PRDM11: variants seen among roughly 807,000 people sequenced by gnomAD.
PRDM11 encodes the protein PR domain-containing protein 11.
PRDM11 carries 20 observed loss-of-function variants against 97.8 expected under a neutral mutation model. That is an observed-to-expected ratio of 0.20 (90% CI 0.14 to 0.30). The LOEUF (loss-of-function observed/expected upper bound fraction) is 0.30, where lower values mean the gene tolerates loss of function less well. Among genes scored for constraint, PRDM11 ranks in the 10% least tolerant of loss-of-function variants. The pLI is 1.00. For synonymous variants in PRDM11, 599 were observed against 637.7 expected, an observed-to-expected ratio of 0.94 and a Z score of 0.91; for missense variants, 1,139 against 1,555.2, an observed-to-expected ratio of 0.73 and a Z score of 4.50.
chr11:45,153,897 G>A (rs1369980533), intron 1 of PRDM11, among the ~76,000 whole-genome samples: 1 of 152,206 alleles, frequency 6.6e-6, no homozygotes, highest in Admixed American at 6.5e-5. Context: ...ACATATGGAT[G>A]AGGAACCTTG....
chr11:45,187,365 G>A (rs1412298330), intron 4 of PRDM11, among the ~76,000 whole-genome samples: 1 of 152,172 alleles, frequency 6.6e-6, no homozygotes, highest in African/African-American at 2.4e-5. Context: ...CCAAGGAATG[G>A]CTATTAGGAT....
chr11:45,194,520 T>C (rs1013401096), intron 4 of PRDM11, among the ~76,000 whole-genome samples: 2 of 150,428 alleles, frequency 1.3e-5, no homozygotes, highest in African/African-American at 2.4e-5. Context: ...GTAACAATAA[T>C]AGCTGCTGTT....
At chr11:45,154,939 T>C (rs1188909113) in intron 1 of PRDM11, among the ~76,000 whole-genome samples, 4 of 151,216 alleles carry the variant, frequency 2.6e-5, no homozygotes, top group Non-Finnish European at 4.4e-5. Flanking sequence ...CCCCAGAGAG[T>C]GTTGTTGTAG....
chr11:45,100,242 C>T (rs1033803801), intron 1 of PRDM11, among the ~76,000 whole-genome samples: 7 of 152,174 alleles, frequency 4.6e-5, no homozygotes, highest in African/African-American at 1.4e-4. Flanking sequence ...TACTGATTCG[C>T]TAATTGTCCT....
At chr11:45,158,334 C>T (rs1449632226) in intron 1 of PRDM11, among the ~76,000 whole-genome samples, 1 of 152,198 alleles carries the variant, frequency 6.6e-6, no homozygotes, top group East Asian at 1.9e-4. Context: ...CTCCACCCTC[C>T]TCTGGGGCCC....
chr11:45,218,443 T>C (rs1319303402), intron 5 of PRDM11, among the ~76,000 whole-genome samples: 1 of 152,276 alleles, frequency 6.6e-6, no homozygotes, highest in Non-Finnish European at 1.5e-5. Flanking sequence ...CATTTGTTTA[T>C]TATCCATCTG....
At chr11:45,204,051 GA>G (rs2135794996) in intron 4 of PRDM11, among the ~76,000 whole-genome samples, 1 of 152,292 alleles carries the variant, frequency 6.6e-6, no homozygotes, top group South Asian at 2.1e-4. Flanking sequence ...ATCCACAAAA[GA>G]ACAACATTAG....
At chr11:45,133,174 G>A (rs765992476) in intron 1 of PRDM11, among the ~76,000 whole-genome samples, 86 of 152,262 alleles carry the variant, frequency 5.6e-4, no homozygotes, top group Admixed American at 1.3e-3. Flanking sequence ...AGCTCAAAAA[G>A]ATAATCTGTG....
chr11:45,178,546 C>A (rs890030401), intron 1 of PRDM11, among the ~76,000 whole-genome samples: 2 of 152,220 alleles, frequency 1.3e-5, no homozygotes, highest in African/African-American at 4.8e-5. Context: ...GGGAATCAAA[C>A]CCCCACCCTG....
chr11:45,189,944 G>A (rs543345409), intron 4 of PRDM11, among the ~76,000 whole-genome samples: 12 of 152,242 alleles, frequency 7.9e-5, no homozygotes, highest in East Asian at 3.9e-4. Flanking sequence ...GAGCATGCAC[G>A]AGCAGGTGCT....
Position 45,224,411 on chromosome 11 carries a change from C to G in PRDM11, c.937C>G (p.Leu313Val), listed in dbSNP as rs776483937. 7 of 1,614,102 alleles carry G rather than the reference C, an allele frequency of 4.3e-6. No homozygotes were observed. In the African/African-American group the frequency reaches 9.3e-5, roughly 22 times the overall value. Residue 313 changes from leucine to valine, a missense_variant, in exon 7 of 8, where the codon CTG becomes GTG. By Grantham distance (32) the Leu-to-Val change is conservative (BLOSUM62 1). Transcript: ENST00000683152. ...TTTCAAGGATGTTCTGGAGGCCTCA[C>G]TGGAATCTGCGAAGGTGGAAGCCCA... ...LIFKDVLEAS[L>V]ESAKVEAHQL...
At chr11:45,104,619 G>GC (rs1852030357) in intron 1 of PRDM11, among the ~76,000 whole-genome samples, 1 of 152,100 alleles carries the variant, frequency 6.6e-6, no homozygotes, top group African/African-American at 2.4e-5. Flanking sequence ...TGGGACCTCA[G>GC]CCCCAAGGTG....
At chr11:45,183,315 T>C (rs1270110456) in intron 4 of PRDM11, among the ~76,000 whole-genome samples, 192 bp downstream of exon 4, 2 of 152,172 alleles carry the variant, frequency 1.3e-5, no homozygotes, top group East Asian at 1.9e-4. Flanking sequence ...AGGGCAATGC[T>C]GAGAGCACCC....
chr11:45,103,849 T>C (rs987557045), intron 1 of PRDM11, among the ~76,000 whole-genome samples: 2 of 151,190 alleles, frequency 1.3e-5, no homozygotes, highest in African/African-American at 4.9e-5. Context: ...CCTTTAACGG[T>C]GAAAACCAAG....
At chr11:45,191,885 G>A (rs530911005) in intron 4 of PRDM11, among the ~76,000 whole-genome samples, 2 of 151,876 alleles carry the variant, frequency 1.3e-5, no homozygotes, top group South Asian at 4.2e-4. Flanking sequence ...GAACCTGCAG[G>A]TTTATTACAT....
At chr11:45,184,838 TGGGGG>T (rs1223647002) in intron 4 of PRDM11, among the ~76,000 whole-genome samples, 1 of 151,810 alleles carries the variant, frequency 6.6e-6, no homozygotes, top group African/African-American at 2.4e-5. Context: ...GGGTGGTCAG[TGGGGG>T]TGTGGGTGTG....
In PRDM11 at chr11:45,229,468, A is replaced by T. The variant is rs1854353800; in HGVS notation, c.*1309A>T. ...TCTCAAGGCATCAGCCTACACAGAC[A>T]CACACACACACACAGACACACACAC... is the stretch of plus-strand genomic sequence containing the variant. On this transcript the variant is annotated 3_prime_UTR_variant, in exon 8 of 8. Transcript: ENST00000683152. The T allele has an allele frequency of 3.5e-5, 1 of 28,364 alleles. No individual in the cohort carries two copies. Among genetic ancestry groups the T allele is most frequent in the African/African-American group, 8.0e-5 (1 of 12,468 alleles). 1.8% of individuals were successfully genotyped at this position (28,364 alleles called of 1,614,324 possible).
At chr11:45,122,660 AG>A (rs1373976767) in intron 1 of PRDM11, among the ~76,000 whole-genome samples, 1 of 152,102 alleles carries the variant, frequency 6.6e-6, no homozygotes, top group Non-Finnish European at 1.5e-5. Context: ...GTCCCTACAA[AG>A]GACATGAACT....
chr11:45,196,855 C>T (rs761849485), intron 4 of PRDM11, among the ~76,000 whole-genome samples: 1 of 152,144 alleles, frequency 6.6e-6, no homozygotes, highest in Non-Finnish European at 1.5e-5. Context: ...CTACCACCTG[C>T]GAGAAATGTG....
Sources: gnomAD v4.1 joint callset for allele counts (sites outside exome capture counted in the v4.1 genomes callset) on GRCh38, gnomAD v4.1.1 for gene constraint, MANE v1.5 for transcripts, NCBI Gene and HGNC (gene_info 2026-07-23, HGNC 2026-07-21) for gene names.